Variants in CER1 observed in about 807,000 individuals in gnomAD.
CER1 encodes cerberus.
CER1 carries 10 observed loss-of-function variants against 11.8 expected under a neutral mutation model. The ratio of observed to expected loss-of-function variants is 0.85; its 90% confidence interval spans 0.52 to 1.44. The LOEUF is 1.44. CER1 is among the 40% of genes most tolerant of loss of function. The probability of loss-of-function intolerance (pLI) is 0.00; values close to 1 mark genes in which losing one functional copy is unlikely to be tolerated. For missense variants in CER1, 431 were observed against 327.0 expected, an observed-to-expected ratio of 1.32 and a Z score of -2.45; for synonymous variants, 141 against 122.3, an observed-to-expected ratio of 1.15 and a Z score of -1.01.
In CER1 at chr9:14,720,166, A is replaced by G; in HGVS notation, c.728T>C (p.Val243Ala). 1 of 1,614,154 alleles carries G rather than the reference A, an allele frequency of 6.2e-7. No homozygotes were observed. The highest frequency in any genetic ancestry group is 1.7e-4 in the Middle Eastern group (1 of 6,046). The change falls in exon 2 of 2, where the codon GTG (valine) becomes GCG (alanine). Residue 243 changes from valine (V) to alanine (A), a missense_variant. By Grantham distance (64) the Val-to-Ala change is moderately conservative (BLOSUM62 0). Transcript: ENST00000380911. ...VMLVEECQCKVKTEHEDGHIL... is the reference protein window; with the variant it reads ...VMLVEECQCKAKTEHEDGHIL... ...GTGTCCATCTTCATGCTCCGTCTTC[A>G]CCTTGCACTGGCACTCCTCCACCAG...
At position 14,720,351 on chromosome 9, in the gene CER1, A is replaced by G. The variant is rs1208436804; in HGVS notation, c.543T>C (p.Val181=). The part of the protein sequence containing the change: ...ITHEGCEKVV[V]QNNLCFGKCG... ...ATTTCCCAAAGCAAAGGTTGTTCTGAACAACTACTTTTTCACAGCCTTCGT... is the reference window on the plus strand; with the variant it reads ...ATTTCCCAAAGCAAAGGTTGTTCTGGACAACTACTTTTTCACAGCCTTCGT... Residue 181 remains valine, a synonymous_variant, in exon 2 of 2, where the codon GTT becomes GTC. Transcript: ENST00000380911. The G allele has an allele frequency of 6.2e-7, 1 of 1,613,102 alleles. No homozygotes were observed. Among genetic ancestry groups the G allele is most frequent in the African/African-American group, 1.3e-5 (1 of 75,026 alleles).
chr9:14,720,412 C>A, intron 1 of CER1, 26 bp from the exon 2 acceptor site: 4 of 1,583,870 alleles, frequency 2.5e-6, no homozygotes, highest in Non-Finnish European at 1.7e-6. Flanking sequence ...ATTTCCATTA[C>A]GTTATTTTGA....
Position 14,722,379 on chromosome 9 carries a change from C to A in CER1, c.294G>T (p.Arg98Ser). 6.2e-7 allele frequency: 1 copy of A among 1,614,150 alleles called. No homozygotes were observed. Among genetic ancestry groups the A allele is most frequent in the Non-Finnish European group, 8.5e-7 (1 of 1,180,028 alleles). ...KKPEREMHPS[R>S]DSDSEPFPPG... The stretch of plus-strand genomic sequence containing the variant: ...GTGGGAAGGGCTCACTATCTGAGTC[C>A]CTGGATGGATGCATTTCTCTCTCAG... The change falls in exon 1 of 2, where the codon AGG becomes AGT. Residue 98 changes from arginine (R) to serine (S), a missense_variant. Arg to Ser is a moderately radical substitution (Grantham distance 110). Transcript: ENST00000380911.
chr9:14,718,861 T>C (rs1489876365), downstream of CER1, among the ~76,000 whole-genome samples: 1 of 152,184 alleles, frequency 6.6e-6, no homozygotes, highest in African/African-American at 2.4e-5. Flanking sequence ...TCCAGTGTCA[T>C]AAGTCTATGA....
At chr9:14,721,238 T>C (rs778215489) in intron 1 of CER1, among the ~76,000 whole-genome samples, 1 of 152,224 alleles carries the variant, frequency 6.6e-6, no homozygotes, top group South Asian at 2.1e-4. Flanking sequence ...TACTCGACTA[T>C]AAAATTTTAC....
chr9:14,721,743 T>G (rs966662055), intron 1 of CER1, among the ~76,000 whole-genome samples: 3 of 151,918 alleles, frequency 2.0e-5, no homozygotes, highest in Non-Finnish European at 4.4e-5. Context: ...ACAAATGGAG[T>G]TGACCTGCTC....
Position 14,722,576 on chromosome 9 carries a change from C to CGG in CER1, c.95_96dup (p.Val33ProfsTer33). 6.2e-7 allele frequency: 1 copy of CGG among 1,613,502 alleles called. No homozygotes were observed. The highest frequency in any genetic ancestry group is 8.5e-7 in the Non-Finnish European group (1 of 1,180,030). On this transcript the variant is annotated frameshift_variant, in exon 1 of 2. Transcript: ENST00000380911. LOFTEE classifies it high-confidence loss of function. The stretch of plus-strand genomic sequence containing the variant: ...TCTCTTTGATTCCTTGGCAGGAGTA[C>CGG]GGGGGAAAGAGAACTCTGATTCTGG...
At chr9:14,719,134 G>A (rs1839970167), downstream of CER1, among the ~76,000 whole-genome samples, 1 of 152,128 alleles carries the variant, frequency 6.6e-6, no homozygotes, top group East Asian at 1.9e-4. Flanking sequence ...AAATGCATGT[G>A]AGTAAATAAT....
downstream of CER1, among the ~76,000 whole-genome samples, chr9:14,717,546 C>G (rs930651153): frequency 6.6e-6 from 1 of 151,956 alleles, no homozygotes; most frequent in African/African-American, 2.4e-5. Context: ...TAATTATTAC[C>G]AGCCTTATTT....
chr9:14,720,624 A>G (rs1229435592), intron 1 of CER1, among the ~76,000 whole-genome samples: 1 of 152,210 alleles, frequency 6.6e-6, no homozygotes, highest in Non-Finnish European at 1.5e-5. Context: ...AGTTAACATA[A>G]AAAATATTTT....
rs1587561946 is a variant in CER1, at chr9:14,720,127, C to G, written c.767G>C (p.Gly256Ala). The G allele has an allele frequency of 6.2e-7, 1 of 1,614,024 alleles. No individual in the cohort carries two copies. The highest frequency in any genetic ancestry group is 8.5e-7 in the Non-Finnish European group (1 of 1,179,948). Residue 256 changes from glycine (G) to alanine (A), a missense_variant, in exon 2 of 2, where the codon GGC becomes GCC. Transcript: ENST00000380911. Reference protein sequence around the residue: ...EHEDGHILHAGSQDSFIPGVS... With the variant: ...EHEDGHILHAASQDSFIPGVS... ...TCCTGGGATAAAGGAATCCTGGGAG[C>G]CAGCATGTAGGATGTGTCCATCTTC...
At chr9:14,719,553 GCCTGCCTGCCTTCCTTCCTTCCTT>G (rs1221759160), downstream of CER1, among the ~76,000 whole-genome samples, 1,102 of 125,550 alleles carry the variant, frequency 8.8e-3, 10 homozygotes, top group African/African-American at 0.028. Context: ...CTGCCTGCCT[GCCTGCCTGCCTTCCTTCCTTCCTT>G]CCTTCCTTCC....
Position 14,719,986 on chromosome 9 carries a change from C to T in CER1, c.*104G>A. On this transcript the variant is annotated 3_prime_UTR_variant, in exon 2 of 2. Coordinates refer to ENST00000380911, the MANE Select transcript of CER1 (RefSeq NM_005454.3). ...AATTTAAAACTACGTTTCAAGTCAC[C>T]TTTCCCTGAAAATGTTATGTACCCA... 1 of 1,065,470 alleles carries T rather than the reference C, an allele frequency of 9.4e-7. No homozygotes were observed. The highest frequency in any genetic ancestry group is 1.5e-5 in the South Asian group (1 of 67,476). The allele number at this position is 1,065,470 out of a possible 1,614,324, so 66.0% of individuals were successfully genotyped here. A position where few individuals can be genotyped will look rare whatever the true frequency, so the allele number is the denominator to read the frequency against.
downstream of CER1, among the ~76,000 whole-genome samples, chr9:14,719,401 A>G (rs928998316): frequency 6.6e-6 from 1 of 152,200 alleles, no homozygotes; most frequent in Non-Finnish European, 1.5e-5. Flanking sequence ...TACTCCTTAC[A>G]TCTGTGGAAA....
intron 1 of CER1, among the ~76,000 whole-genome samples, chr9:14,720,651 G>A (rs1247427283): frequency 6.6e-6 from 1 of 152,162 alleles, no homozygotes; most frequent in African/African-American, 2.4e-5. Flanking sequence ...CATTATTCGT[G>A]CAAAACCTTA....
rs574648627 is a variant in CER1 at position 14,722,398 on chromosome 9, C to G, written c.275G>C (p.Arg92Thr). The change falls in exon 1 of 2, where the codon AGA becomes ACA. Residue 92 changes from arginine to threonine, a missense_variant. Arg to Thr is a moderately conservative substitution (Grantham distance 71). Coordinates refer to ENST00000380911, the MANE Select transcript of CER1 (RefSeq NM_005454.3). ...RFGRFWKKPE[R>T]EMHPSRDSDS... ...TGAGTCCCTGGATGGATGCATTTCT[C>G]TCTCAGGCTTCTTCCAGAACCTGCC... 40 of 1,614,104 alleles carry G rather than the reference C, an allele frequency of 2.5e-5. No homozygotes were observed. The Admixed American group carries it at 6.2e-4, about 25-fold the overall frequency.
Position 14,722,709 on chromosome 9 carries a change from G to A in CER1, c.-37C>T. ...CCCAAGCTTCTTTTGTAAATGATGAGGCCCAAAGGAGAGGCTCATTCTCTG... is the reference window on the plus strand; with the variant it reads ...CCCAAGCTTCTTTTGTAAATGATGAAGCCCAAAGGAGAGGCTCATTCTCTG... On this transcript the variant is annotated 5_prime_UTR_variant, in exon 1 of 2. Coordinates refer to ENST00000380911, the MANE Select transcript of CER1 (RefSeq NM_005454.3). 1.3e-6 allele frequency: 2 copies of A among 1,558,004 alleles called. No homozygotes were observed. The highest frequency in any genetic ancestry group is 1.7e-6 in the Non-Finnish European group (2 of 1,164,138).
rs367678402 is a variant in CER1 at position 14,720,054 on chromosome 9, G to A, written c.*36C>T. The A allele has an allele frequency of 9.5e-6, 15 of 1,585,994 alleles. No homozygotes were observed. Among genetic ancestry groups the A allele is most frequent in the Non-Finnish European group, 1.1e-5 (13 of 1,156,222 alleles). On this transcript the variant is annotated 3_prime_UTR_variant, in exon 2 of 2. Coordinates refer to ENST00000380911, the MANE Select transcript of CER1 (RefSeq NM_005454.3). ...GAATAATCAGCATCTTTGCTGTTGTGGTTTTGCTTTTCAAAGGTAATAGTG... is the reference window on the plus strand; with the variant it reads ...GAATAATCAGCATCTTTGCTGTTGTAGTTTTGCTTTTCAAAGGTAATAGTG...
At position 14,720,095 on chromosome 9, in the gene CER1, C is replaced by A. The variant is rs1338112853; in HGVS notation, c.799G>T (p.Ala267Ser). The change falls in exon 2 of 2, where the codon GCT becomes TCT. Residue 267 changes from alanine to serine, a missense_variant. Physicochemically the swap from Ala to Ser is moderately conservative, Grantham distance 99. Transcript: ENST00000380911. Reference protein sequence around the residue: ...SQDSFIPGVSA With the variant: ...SQDSFIPGVSS ...GGTAATAGTGGGATAGCTCTTCAAG[C>A]TGAAACTCCTGGGATAAAGGAATCC... The A allele has an allele frequency of 7.4e-6, 12 of 1,612,066 alleles. No homozygotes were observed. The highest frequency in any genetic ancestry group is 1.3e-5 in the African/African-American group (1 of 74,860).
Sources: allele counts gnomAD v4.1 joint callset (sites outside exome capture counted in the v4.1 genomes callset), GRCh38; gene constraint gnomAD v4.1.1; transcripts MANE v1.5; gene names NCBI Gene and HGNC (gene_info 2026-07-23, HGNC 2026-07-21).